The following ARHGEF1 variants were observed in gnomAD, a reference collection of about 807,000 sequenced individuals.
ARHGEF1 encodes 115 kDa guanine nucleotide exchange factor.
In ARHGEF1, 40 loss-of-function variants were observed where a neutral mutation model predicts 119.7. The observed-to-expected ratio is 0.33, with a 90% CI of 0.26 to 0.44. ARHGEF1 has a LOEUF of 0.44. ARHGEF1 is among the 20% of genes least tolerant of loss of function. The pLI is 1.00. For synonymous variants in ARHGEF1, 494 were observed against 521.0 expected (o/e 0.95, Z 0.71); for missense variants, 976 against 1,268.3 (o/e 0.77, Z 3.50).
rs137911544 is a variant in ARHGEF1, at chr19:41,916,417, T to TCA, written c.1866-6662_1866-6661dup. Among the ~76,000 whole-genome samples the TCA allele has an allele frequency of 6.0e-5, 9 of 151,092 alleles. No homozygotes were observed. Among genetic ancestry groups the TCA allele is most frequent in the Non-Finnish European group, 1.2e-4 (8 of 67,720 alleles). On this transcript the variant is annotated intron_variant, in intron 18 of 20. Coordinates refer to the ARHGEF1 transcript ENST00000599589. This position sits in a 1 kb window ranked among gnomAD's most constrained non-coding sequence, Gnocchi z 5.4. ...AAGTCACACACCAACACTGTCACAG[T>TCA]CACACACACACACATCAGCATAGTC... is the stretch of plus-strand genomic sequence containing the variant.
Position 41,906,447 on chromosome 19 carries a change from C to T in ARHGEF1, c.2492-10C>T. 1 of 1,550,944 alleles carries T rather than the reference C, an allele frequency of 6.4e-7. No homozygotes were observed. The highest frequency in any genetic ancestry group is 8.7e-7 in the Non-Finnish European group (1 of 1,155,044). On this transcript the variant is annotated splice_polypyrimidine_tract_variant and intron_variant, in intron 26 of 28. Coordinates refer to ENST00000354532, the MANE Select transcript of ARHGEF1 (RefSeq NM_004706.4). This position sits in a 1 kb window ranked among gnomAD's most constrained non-coding sequence, Gnocchi z 4.5. ...GTCTCCTGACTCCACCCCTCCTTGC[C>T]CCTGGCCAGTGCTGTCCCTGAAGCA...
upstream of ARHGEF1, among the ~76,000 whole-genome samples, chr19:41,922,858 G>A (rs1254592258): frequency 6.6e-6 from 1 of 152,216 alleles, no homozygotes; most frequent in African/African-American, 2.4e-5. Context: ...TGCCGCCGAG[G>A]CGGATCGATC....
intron 4 of ARHGEF1, chr19:41,890,534 A>T (rs2074360173): frequency 6.6e-6 from 1 of 151,448 alleles, no homozygotes; most frequent in African/African-American, 2.4e-5. Context: ...TAATCCCAGC[A>T]CTTTGGGAGG....
chr19:41,907,013 C>T (rs761762966), intron 28 of ARHGEF1, 92 bp from the exon 29 acceptor site: 1 of 1,262,520 alleles, frequency 7.9e-7, no homozygotes, highest in Non-Finnish European at 1.1e-6. Context: ...CTCCCCTTCT[C>T]TCTCTGCTCT....
intron 4 of ARHGEF1, chr19:41,890,382 C>T (rs1415815512): frequency 4.0e-5 from 6 of 149,960 alleles, no homozygotes; most frequent in East Asian, 4.0e-4. Context: ...CATGGTGGCT[C>T]ACACCTATAA....
In ARHGEF1 at chr19:41,902,751, T is replaced by C. The variant is rs782012429; in HGVS notation, c.1624-33T>C. ...TGCGCCCTGGGGTGAGCCCAAAGCC[T>C]GGGCCATCGCAACACCAGCATGTTT... On this transcript the variant is annotated intron_variant, in intron 17 of 28. Coordinates refer to ENST00000354532, the MANE Select transcript of ARHGEF1 (RefSeq NM_004706.4). The surrounding 1 kb of genome is among the most constrained non-coding windows in gnomAD (Gnocchi z 6.5). The C allele has an allele frequency of 3.1e-6, 5 of 1,613,090 alleles. No individual in the cohort carries two copies. Among genetic ancestry groups the C allele is most frequent in the South Asian group, 2.2e-5 (2 of 91,080 alleles).
rs755632690 is a variant in ARHGEF1, at chr19:41,903,850, GC to G, written c.1917+71del. 5.3e-4 allele frequency: 811 copies of G among 1,536,828 alleles called. No homozygotes were observed. Among genetic ancestry groups the G allele is most frequent in the Non-Finnish European group, 6.4e-4 (712 of 1,114,556 alleles). On this transcript the variant is annotated intron_variant, in intron 20 of 28. Transcript: ENST00000354532. The surrounding 1 kb of genome is among the most constrained non-coding windows in gnomAD (Gnocchi z 4.2). ...TTGGCCCAGGGGATTCTGTGATACA[GC>G]CCCCAGCCTGTCCTGCCCATCCCAT...
Position 41,905,359 on chromosome 19 carries a change from A to G in ARHGEF1, c.2336+98A>G. Reference sequence around the variant, plus strand: ...ACTCCAGAACCGTCTCTGTGTGAGCATGCACATGTGTGAATGCATGTGTGT... The same window carrying G: ...ACTCCAGAACCGTCTCTGTGTGAGCGTGCACATGTGTGAATGCATGTGTGT... On this transcript the variant is annotated intron_variant, in intron 24 of 28. Transcript: ENST00000354532. The surrounding 1 kb of genome is among the most constrained non-coding windows in gnomAD (Gnocchi z 6.4). The G allele has an allele frequency of 2.7e-6, 3 of 1,105,372 alleles. No homozygotes were observed. The highest frequency in any genetic ancestry group is 2.3e-5 in the Admixed American group (1 of 42,708). 68.5% of individuals were successfully genotyped at this position (1,105,372 alleles called of 1,614,324 possible). A position where few individuals can be genotyped will look rare whatever the true frequency, so the allele number is the denominator to read the frequency against.
downstream of ARHGEF1, chr19:41,910,161 C>T (rs1173536985): frequency 6.7e-7 from 1 of 1,489,804 alleles, no homozygotes; most frequent in East Asian, 2.4e-5. The surrounding 1 kb of genome is among the most constrained non-coding windows in gnomAD (Gnocchi z 4.4). Flanking sequence ...CTGGGTCCTG[C>T]TGGACTCAGT....
At position 41,901,984 on chromosome 19, in the gene ARHGEF1, G is replaced by A; in HGVS notation, c.1365G>A (p.Glu455=). 1.2e-6 allele frequency: 2 copies of A among 1,614,088 alleles called. No homozygotes were observed. The highest frequency in any genetic ancestry group is 1.1e-5 in the South Asian group (1 of 91,066). ...PMAECLFFPL[E]ELQNIFPSLD... ...CAGAATGCCTGTTCTTCCCCTTGGAGGAGCTGCAGAACATCTTCCCCAGCC... is the reference window on the plus strand; with the variant it reads ...CAGAATGCCTGTTCTTCCCCTTGGAAGAGCTGCAGAACATCTTCCCCAGCC... Residue 455 remains glutamate (E), a synonymous_variant, in exon 15 of 29, where the codon GAG becomes GAA. Transcript: ENST00000354532.
chr19:41,888,188 A>G lies in ARHGEF1; in HGVS notation c.25-4A>G. ...TGGACTGAAGCTGCCCTCCCTTTCC[A>G]CAGGCCTCCCCAGGCCCCTCCCGGC... On this transcript the variant is annotated splice_region_variant and splice_polypyrimidine_tract_variant and intron_variant, in intron 2 of 28. Coordinates refer to ENST00000354532, the MANE Select transcript of ARHGEF1 (RefSeq NM_004706.4). This position sits in a 1 kb window ranked among gnomAD's most constrained non-coding sequence, Gnocchi z 5.1. 1 of 1,613,700 alleles carries G rather than the reference A, an allele frequency of 6.2e-7. No individual in the cohort carries two copies. Among genetic ancestry groups the G allele is most frequent in the Non-Finnish European group, 8.5e-7 (1 of 1,179,904 alleles).
At chr19:41,884,844 A>T (rs1451263150) in intron 1 of ARHGEF1, among the ~76,000 whole-genome samples, 1 of 152,188 alleles carries the variant, frequency 6.6e-6, no homozygotes, top group African/African-American at 2.4e-5. Context: ...GAGGTTCCAC[A>T]GACTGGCAGC....
intron 1 of ARHGEF1, among the ~76,000 whole-genome samples, chr19:41,926,928 G>A (rs950445145): frequency 1.1e-4 from 16 of 152,110 alleles, no homozygotes; most frequent in Non-Finnish European, 1.6e-4. Context: ...CAGAGAGACA[G>A]TAAGAGACAG....
intron 4 of ARHGEF1, chr19:41,890,009 G>A (rs2074350855): frequency 6.6e-6 from 1 of 152,148 alleles, no homozygotes; most frequent in Admixed American, 6.6e-5. Context: ...TGCCTGAGGT[G>A]ACCCCGGCGG....
At chr19:41,897,892 C>T (rs1377572714) in intron 13 of ARHGEF1, 2 of 1,286,290 alleles carry the variant, frequency 1.6e-6, no homozygotes, top group Admixed American at 3.7e-5. Context: ...CTTGGTCTCT[C>T]CTTGTCTCTG....
At chr19:41,895,657 C>T (rs868931511) in intron 12 of ARHGEF1, among the ~76,000 whole-genome samples, 171 bp downstream of exon 12, 139 of 152,156 alleles carry the variant, frequency 9.1e-4, no homozygotes, top group African/African-American at 3.2e-3. Flanking sequence ...TAACTTTCCC[C>T]TTCCCTCAGT....
chr19:41,899,920 TA>T (rs201057180), intron 14 of ARHGEF1, among the ~76,000 whole-genome samples: 3,825 of 135,404 alleles, frequency 0.028, 152 homozygotes, highest in African/African-American at 0.088. Flanking sequence ...AAGGACATGA[TA>T]AAAAAAAAAA....
At chr19:41,898,265 G>C (rs1555848307) in intron 13 of ARHGEF1, 177 bp from the exon 14 acceptor site, 1 of 1,300,964 alleles carries the variant, frequency 7.7e-7, no homozygotes, top group African/African-American at 1.5e-5. Context: ...GGGGTAGAAT[G>C]CTTCTAGAGA....
rs2074619137 is a variant in ARHGEF1, at chr19:41,902,413, G to A, written c.1497+57G>A. 6.2e-7 allele frequency: 1 copy of A among 1,612,182 alleles called. No homozygotes were observed. The highest frequency in any genetic ancestry group is 8.5e-7 in the Non-Finnish European group (1 of 1,179,060). ...CTAGACACATGGAATTCAGGCCCGG[G>A]ACGGGTCCTGAGCCCACCCTACTCC... On this transcript the variant is annotated intron_variant, in intron 16 of 28. Coordinates refer to ENST00000354532, the MANE Select transcript of ARHGEF1 (RefSeq NM_004706.4). This position sits in a 1 kb window ranked among gnomAD's most constrained non-coding sequence, Gnocchi z 6.5.
Sources: allele counts gnomAD v4.1 joint callset (sites outside exome capture counted in the v4.1 genomes callset), GRCh38; gene constraint gnomAD v4.1.1; non-coding constraint Gnocchi (gnomAD v3.1); transcripts MANE v1.5; gene names NCBI Gene and HGNC (gene_info 2026-07-23, HGNC 2026-07-21).